The following TTC28 variants were observed in gnomAD, a reference collection of about 807,000 sequenced individuals.
The protein encoded by TTC28 is tetratricopeptide repeat domain 28, also known as tetratricopeptide repeat protein 28.
TTC28 carries 61 observed loss-of-function variants against 198.0 expected under a neutral mutation model. The observed-to-expected ratio is 0.31, with a 90% confidence interval of 0.25 to 0.38. The LOEUF (loss-of-function observed/expected upper bound fraction) is 0.38. TTC28 is among the 10% of genes least tolerant of loss of function. The pLI is 1.00. For missense variants in TTC28, 2,678 were observed against 3,164.0 expected, an observed-to-expected ratio of 0.85 and a Z score of 3.69; for synonymous variants, 1,171 against 1,297.8, an observed-to-expected ratio of 0.90 and a Z score of 2.10.
intron 12 of TTC28, among the ~76,000 whole-genome samples, chr22:28,069,925 AAC>A (rs60436240): frequency 0.19 from 26,270 of 141,740 alleles, 2,271 homozygotes; most frequent in Admixed American, 0.23. Flanking sequence ...AGGTTGTACA[AAC>A]ACACACACAC....
At chr22:28,465,004 C>T (rs993585818) in intron 2 of TTC28, among the ~76,000 whole-genome samples, 1 of 152,160 alleles carries the variant, frequency 6.6e-6, no homozygotes, top group Non-Finnish European at 1.5e-5. Flanking sequence ...TAGACTCCCC[C>T]AAAACTTCAC....
chr22:28,388,036 G>C (rs188903843), intron 2 of TTC28, among the ~76,000 whole-genome samples: 4,439 of 152,262 alleles, frequency 0.029, 201 homozygotes, highest in African/African-American at 0.1. Context: ...GTGTAAGGAA[G>C]GGATCCAGTT....
intron 2 of TTC28, among the ~76,000 whole-genome samples, chr22:28,404,265 G>C (rs1411924626): frequency 6.6e-6 from 1 of 151,968 alleles, no homozygotes; most frequent in Admixed American, 6.6e-5. Context: ...GACTACAGGT[G>C]CCCACCACTA....
At chr22:28,648,221 C>CAAAA (rs34510876) in intron 1 of TTC28, among the ~76,000 whole-genome samples, 8 of 62,466 alleles carry the variant, frequency 1.3e-4, no homozygotes, top group Non-Finnish European at 2.3e-4. Flanking sequence ...GAGACTCTGT[C>CAAAA]AAAAAAAAAA....
intron 2 of TTC28, among the ~76,000 whole-genome samples, chr22:28,543,207 GTGTTCACCT>G (rs2049455337): frequency 6.6e-6 from 1 of 152,046 alleles, no homozygotes; most frequent in Admixed American, 6.6e-5. Flanking sequence ...AGGTATGGTG[GTGTTCACCT>G]TATAGTTCCA....
Position 28,537,301 on chromosome 22 carries a change from A to ATAACATAAC in TTC28, c.381+92250_381+92251insGTTATGTTA, listed in dbSNP as rs1569009000. Among the ~76,000 whole-genome samples, 32 of 124,112 alleles carry ATAACATAAC rather than the reference A, an allele frequency of 2.6e-4. 1 individual carries two copies. Among genetic ancestry groups the ATAACATAAC allele is most frequent in the East Asian group, 6.9e-4 (3 of 4,364 alleles). The allele number at this position is 124,112 out of a possible 152,430, so 81.4% of individuals were successfully genotyped here. On this transcript the variant is annotated intron_variant, in intron 2 of 22. Transcript: ENST00000397906. ...GAGCCAGACTCCGTCTCAAAAATAA[A>ATAACATAAC]ATAAAATAAAATAAAATAAAATAAA...
At chr22:28,283,621 G>C (rs2044626127) in intron 5 of TTC28, among the ~76,000 whole-genome samples, 1 of 152,090 alleles carries the variant, frequency 6.6e-6, no homozygotes, top group South Asian at 2.1e-4. Flanking sequence ...GTGTCAAATT[G>C]ATAATGATTA....
intron 2 of TTC28, among the ~76,000 whole-genome samples, chr22:28,584,931 T>G (rs969897432): frequency 6.6e-6 from 1 of 152,108 alleles, no homozygotes; most frequent in Non-Finnish European, 1.5e-5. Flanking sequence ...AGTTATAGAA[T>G]AGTGGAGGTA....
intron 2 of TTC28, among the ~76,000 whole-genome samples, chr22:28,389,265 T>A (rs1166730753): frequency 6.6e-6 from 1 of 152,200 alleles, no homozygotes; most frequent in Non-Finnish European, 1.5e-5. Flanking sequence ...TGAGGATTTT[T>A]GCATCGATGT....
chr22:28,102,250 G>A (rs1459771548), intron 8 of TTC28, among the ~76,000 whole-genome samples: 3 of 152,212 alleles, frequency 2.0e-5, no homozygotes, highest in Non-Finnish European at 4.4e-5. Flanking sequence ...TTCTGTTACT[G>A]ATGTTACTGA....
intron 12 of TTC28, among the ~76,000 whole-genome samples, chr22:28,036,482 C>T (rs1939353410): frequency 6.6e-6 from 1 of 152,264 alleles, no homozygotes; most frequent in Non-Finnish European, 1.5e-5. Flanking sequence ...AGAACAAAGA[C>T]ACAACATACC....
chr22:28,569,151 CAAATAAAT>C (rs33998799), intron 2 of TTC28, among the ~76,000 whole-genome samples: 41,620 of 135,834 alleles, frequency 0.31, 6,495 homozygotes, highest in African/African-American at 0.32. Flanking sequence ...TGTTCTGTCT[CAAATAAAT>C]AAATAAATAA....
chr22:28,343,713 G>C (rs919696679), intron 2 of TTC28, among the ~76,000 whole-genome samples: 1 of 152,146 alleles, frequency 6.6e-6, no homozygotes, highest in Admixed American at 6.5e-5. Flanking sequence ...ATCTACTGGA[G>C]CCTGTTCTGT....
chr22:28,057,937 T>G (rs1033369047), intron 12 of TTC28, among the ~76,000 whole-genome samples: 3 of 152,176 alleles, frequency 2.0e-5, no homozygotes, highest in Non-Finnish European at 4.4e-5. Flanking sequence ...CTCTCTATTC[T>G]GCTCCATTGA....
At chr22:27,986,527 A>G (rs1283209499) in intron 21 of TTC28, 2 of 152,248 alleles carry the variant, frequency 1.3e-5, no homozygotes, top group African/African-American at 4.8e-5. Flanking sequence ...CCCTGCATTG[A>G]GAGCACTGGG....
intron 13 of TTC28, among the ~76,000 whole-genome samples, chr22:28,017,593 G>A (rs1445870683): frequency 6.6e-6 from 1 of 152,196 alleles, no homozygotes; most frequent in Non-Finnish European, 1.5e-5. Flanking sequence ...CAGTGAGTGT[G>A]AGGAGTCATG....
chr22:28,583,300 T>C (rs1160990355), intron 2 of TTC28, among the ~76,000 whole-genome samples: 1 of 152,254 alleles, frequency 6.6e-6, no homozygotes, highest in Admixed American at 6.5e-5. Context: ...ACTGAAATTT[T>C]TTCTTCAAGA....
At chr22:28,469,244 C>G (rs2048067696) in intron 2 of TTC28, among the ~76,000 whole-genome samples, 1 of 152,148 alleles carries the variant, frequency 6.6e-6, no homozygotes, top group Admixed American at 6.5e-5. Flanking sequence ...ACCCAGGACC[C>G]AAGGCCATCA....
intron 2 of TTC28, among the ~76,000 whole-genome samples, chr22:28,459,275 C>A (rs1438356000): frequency 1.3e-5 from 2 of 151,864 alleles, no homozygotes; most frequent in South Asian, 2.1e-4. Flanking sequence ...CAACAAAATA[C>A]AAAAAATTAC....
Sources: allele counts gnomAD v4.1 joint callset (sites outside exome capture counted in the v4.1 genomes callset), GRCh38; gene constraint gnomAD v4.1.1; transcripts MANE v1.5; gene names NCBI Gene and HGNC (gene_info 2026-07-23, HGNC 2026-07-21).